Variants in APP observed in about 807,000 individuals in gnomAD.
APP encodes amyloid-beta precursor protein.
In APP, 31 loss-of-function variants were observed where a neutral mutation model predicts 101.4. The ratio of observed to expected loss-of-function variants is 0.31; its 90% CI spans 0.23 to 0.41. The LOEUF is 0.41. Ranked by LOEUF, APP falls within the 10% of genes least tolerant of loss-of-function variation. The pLI is 1.00. For synonymous variants in APP, 366 were observed against 364.4 expected, an observed-to-expected ratio of 1.00 and a Z score of -0.05; for missense variants, 839 against 1,003.7, an observed-to-expected ratio of 0.84 and a Z score of 2.22.
At chr21:26,166,902 GAGAAAGAGAGAGAA>G (rs758525386) in intron 1 of APP, among the ~76,000 whole-genome samples, 5 of 37,654 alleles carry the variant, frequency 1.3e-4, no homozygotes, top group East Asian at 1.9e-3. Flanking sequence ...GAGAGAGAGA[GAGAAAGAGAGAGAA>G]AGAGACAGAG....
At chr21:26,138,082 A>G (rs1473629156) in intron 1 of APP, among the ~76,000 whole-genome samples, 1 of 152,228 alleles carries the variant, frequency 6.6e-6, no homozygotes, top group African/African-American at 2.4e-5. Context: ...ACTAATATCC[A>G]GTGGCCTTTC....
chr21:25,943,147 C>T (rs2040647341), intron 13 of APP: 1 of 151,268 alleles, frequency 6.6e-6, no homozygotes, highest in Admixed American at 6.6e-5. Flanking sequence ...CTAAAGCAAG[C>T]ATCATATATA....
chr21:26,065,878 T>C (rs181499067), intron 3 of APP, among the ~76,000 whole-genome samples: 48 of 151,964 alleles, frequency 3.2e-4, no homozygotes, highest in Non-Finnish European at 2.7e-4. Context: ...GTAAGAGTAA[T>C]AGTTGTTAAA....
At chr21:26,059,883 TC>T (rs1207513106) in intron 3 of APP, among the ~76,000 whole-genome samples, 27 of 96,422 alleles carry the variant, frequency 2.8e-4, no homozygotes, top group African/African-American at 1.2e-3. Flanking sequence ...AGAGCGAGAC[TC>T]CGTCTCAAAA....
At chr21:25,912,730 T>C (rs2039142690) in intron 13 of APP, among the ~76,000 whole-genome samples, 1 of 147,412 alleles carries the variant, frequency 6.8e-6, no homozygotes, top group Admixed American at 6.8e-5. Flanking sequence ...CAGTGCCGCC[T>C]ACCCCCCCAC....
chr21:25,914,984 G>A (rs1015364742), intron 13 of APP, among the ~76,000 whole-genome samples: 1 of 152,156 alleles, frequency 6.6e-6, no homozygotes, highest in Admixed American at 6.5e-5. Context: ...TTTATTTTAC[G>A]TTTGGTTCCT....
intron 11 of APP, among the ~76,000 whole-genome samples, chr21:25,972,808 TTG>T (rs1555832962): frequency 1.3e-4 from 19 of 150,894 alleles, no homozygotes; most frequent in African/African-American, 4.4e-4. Context: ...GGTAAACATG[TTG>T]TTTTTTTTTT....
intron 14 of APP, 47 bp downstream of exon 14, chr21:25,911,694 G>A (rs933750624): frequency 3.9e-6 from 6 of 1,533,498 alleles, no homozygotes; most frequent in Non-Finnish European, 5.4e-6. Context: ...TTATGTATGT[G>A]TATATATACC....
intron 2 of APP, among the ~76,000 whole-genome samples, chr21:26,100,844 C>T (rs1213852381): frequency 2.0e-5 from 3 of 152,118 alleles, no homozygotes; most frequent in Non-Finnish European, 4.4e-5. Context: ...AGAAAATACC[C>T]ATAAACCAAT....
rs114590544 is a variant in APP at position 25,885,922 on chromosome 21, T to C, written c.2212-4151A>G. On this transcript the variant is annotated intron_variant, in intron 17 of 17. Transcript: ENST00000346798. ...ACCTTAGTTTCTAGGTCTCCTCCTATTGCCCCTAGAGTATTTACATGCGGG... is the reference window on the plus strand; with the variant it reads ...ACCTTAGTTTCTAGGTCTCCTCCTACTGCCCCTAGAGTATTTACATGCGGG... Among the ~76,000 whole-genome samples, 1,068 of 152,268 alleles carry C rather than the reference T, an allele frequency of 7.0e-3. 10 individuals are homozygous for C. The highest frequency in any genetic ancestry group is 0.025 in the African/African-American group (1,032 of 41,538).
intron 13 of APP, chr21:25,934,991 CTT>C (rs745856700): frequency 2.0e-5 from 3 of 152,206 alleles, no homozygotes; most frequent in Non-Finnish European, 4.4e-5. Flanking sequence ...CAGGTCAACC[CTT>C]ACACTCAGCA....
chr21:26,014,953 A>C (rs1369288869), intron 6 of APP, among the ~76,000 whole-genome samples: 1 of 152,160 alleles, frequency 6.6e-6, no homozygotes, highest in African/African-American at 2.4e-5. Flanking sequence ...CAAGAAATAA[A>C]ACTCTATCTT....
At chr21:25,961,586 G>C (rs187124970) in intron 11 of APP, among the ~76,000 whole-genome samples, 5 of 152,054 alleles carry the variant, frequency 3.3e-5, no homozygotes, top group Non-Finnish European at 5.9e-5. Flanking sequence ...AATCCTCCAG[G>C]CTTAACATTT....
chr21:26,167,598 AAT>A (rs1343113084), intron 1 of APP, among the ~76,000 whole-genome samples: 1 of 152,194 alleles, frequency 6.6e-6, no homozygotes, highest in Non-Finnish European at 1.5e-5. Flanking sequence ...AGTAACATAA[AAT>A]AGAGATCCTC....
At chr21:26,045,396 C>G (rs2045566710) in intron 5 of APP, among the ~76,000 whole-genome samples, 2 of 152,182 alleles carry the variant, frequency 1.3e-5, no homozygotes, top group South Asian at 4.1e-4. Flanking sequence ...TAGCAGCTAG[C>G]TGCATTCCAA....
chr21:25,925,701 G>A (rs954628553), intron 13 of APP, among the ~76,000 whole-genome samples: 9 of 152,206 alleles, frequency 5.9e-5, no homozygotes, highest in African/African-American at 1.9e-4. Flanking sequence ...TTGGGAGGCC[G>A]AGGTGGGTGG....
chr21:26,041,770 C>A (rs2045379936), intron 5 of APP, among the ~76,000 whole-genome samples: 1 of 152,008 alleles, frequency 6.6e-6, no homozygotes, highest in East Asian at 1.9e-4. Flanking sequence ...CTGCTTAAGG[C>A]TATAAAAGTG....
chr21:26,169,679 G>A (rs1210561294), intron 1 of APP, among the ~76,000 whole-genome samples: 2 of 152,234 alleles, frequency 1.3e-5, no homozygotes, highest in African/African-American at 4.8e-5. Context: ...CCCGGGAAGG[G>A]AGCCGGGCGG....
At chr21:25,978,803 T>C (rs1223974535) in intron 9 of APP, among the ~76,000 whole-genome samples, 7 of 151,996 alleles carry the variant, frequency 4.6e-5, no homozygotes, top group Admixed American at 4.6e-4. Context: ...AATACAAAAA[T>C]TAGCTCGGCG....
Sources: gnomAD v4.1 joint callset for allele counts (sites outside exome capture counted in the v4.1 genomes callset) on GRCh38, gnomAD v4.1.1 for gene constraint, MANE v1.5 for transcripts, NCBI Gene and HGNC (gene_info 2026-07-23, HGNC 2026-07-21) for gene names.